The following CCSER2 variants were observed in gnomAD, a reference collection of about 807,000 sequenced individuals.
CCSER2 encodes coiled-coil serine rich protein 2.
A neutral mutation model predicts 92.3 loss-of-function variants in CCSER2; 46 were observed. The ratio of observed to expected loss-of-function variants is 0.50; its 90% CI spans 0.39 to 0.64. The LOEUF (loss-of-function observed/expected upper bound fraction) is 0.64. Ranked by LOEUF, CCSER2 falls within the 30% of genes least tolerant of loss-of-function variation. The pLI is 0.00. For missense variants in CCSER2, 1,244 were observed against 1,238.9 expected (o/e 1.00, Z -0.06); for synonymous variants, 433 against 431.4 (o/e 1.00, Z -0.04).
intron 8 of CCSER2, among the ~76,000 whole-genome samples, chr10:84,472,043 T>C (rs572004831): frequency 9.9e-4 from 150 of 152,078 alleles, no homozygotes; most frequent in African/African-American, 3.4e-3. Flanking sequence ...TAAAGTATCT[T>C]GCAAAAGTTA....
chr10:84,485,185 A>G (rs930202033), intron 9 of CCSER2, among the ~76,000 whole-genome samples: 1 of 152,212 alleles, frequency 6.6e-6, no homozygotes, highest in Non-Finnish European at 1.5e-5. Context: ...ATTGTAGTAC[A>G]ATATCAAAAC....
intron 9 of CCSER2, among the ~76,000 whole-genome samples, chr10:84,483,995 A>ATATATATATATATATG (rs1564711747): frequency 1.5e-4 from 11 of 72,354 alleles, no homozygotes; most frequent in Non-Finnish European, 2.4e-4. Context: ...ATATATATAT[A>ATATATATATATATATG]TAATTTTTTT....
chr10:84,408,395 G>A (rs531773721), intron 3 of CCSER2, among the ~76,000 whole-genome samples: 5 of 152,134 alleles, frequency 3.3e-5, no homozygotes, highest in Non-Finnish European at 7.4e-5. Context: ...ATTTATATAT[G>A]TTTGATTTTC....
At position 84,378,119 on chromosome 10, in the gene CCSER2, T is replaced by A. The variant is rs1284789729; in HGVS notation, c.1614+4304T>A. ...GTGATAGAATTTCAGAGAGAAAGCC[T>A]TAATAGTTCACCATTAAAGTTTTTG... is the stretch of plus-strand genomic sequence containing the variant. On this transcript the variant is annotated intron_variant, in intron 3 of 9. Transcript: ENST00000372088. 2.0e-5 allele frequency among the ~76,000 whole-genome samples: 3 copies of A among 152,214 alleles called. No homozygotes were observed. In the East Asian group the frequency reaches 5.8e-4, roughly 29 times the overall value.
chr10:84,341,676 C>T (rs1250284214), intron 1 of CCSER2, among the ~76,000 whole-genome samples: 1 of 152,102 alleles, frequency 6.6e-6, no homozygotes, highest in African/African-American at 2.4e-5. Context: ...GCCATCCCCC[C>T]CACCACTTCA....
At chr10:84,450,531 T>C (rs1360292503) in intron 6 of CCSER2, among the ~76,000 whole-genome samples, 2 of 152,146 alleles carry the variant, frequency 1.3e-5, no homozygotes, top group Non-Finnish European at 2.9e-5. Flanking sequence ...AATAGAAAAC[T>C]CTGTTCTAGT....
At chr10:84,477,426 C>T in intron 8 of CCSER2, 149 bp from the exon 9 acceptor site, 2 of 514,624 alleles carry the variant, frequency 3.9e-6, no homozygotes, top group Non-Finnish European at 6.8e-6. Context: ...CCCTGATTAC[C>T]TCCTGTCATG....
At position 84,391,441 on chromosome 10, in the gene CCSER2, C is replaced by G. The variant is rs137863699; in HGVS notation, c.1614+17626C>G. 1.2e-3 allele frequency: 1,933 copies of G among 1,557,772 alleles called. 19 individuals carry two copies. In the African/African-American group the frequency reaches 0.02, roughly 16 times the overall value. ...TAGAAGTTCGACAGAGTTATTTTGC[C>G]CTGTTAGGTGACCTCACAAAAGCTT... On this transcript the variant is annotated intron_variant, in intron 3 of 9. Coordinates refer to ENST00000372088, the MANE Select transcript of CCSER2 (RefSeq NM_001284240.2).
At chr10:84,348,874 C>CAT in intron 1 of CCSER2, among the ~76,000 whole-genome samples, 1 of 151,928 alleles carries the variant, frequency 6.6e-6, no homozygotes, top group Non-Finnish European at 1.5e-5. Context: ...TGCTCTCTTT[C>CAT]ATATATATGT....
intron 5 of CCSER2, among the ~76,000 whole-genome samples, chr10:84,431,268 C>T (rs1018427085): frequency 2.0e-5 from 3 of 152,144 alleles, no homozygotes; most frequent in Non-Finnish European, 4.4e-5. Context: ...TTATTCATCC[C>T]TCCCTTCTTT....
intron 6 of CCSER2, among the ~76,000 whole-genome samples, chr10:84,448,141 C>T (rs1845043917): frequency 6.6e-6 from 1 of 152,060 alleles, no homozygotes; most frequent in South Asian, 2.1e-4. Flanking sequence ...CACTGCACAT[C>T]AGTTGAGTCT....
chr10:84,377,434 G>A (rs550164151), intron 3 of CCSER2, among the ~76,000 whole-genome samples: 127 of 152,064 alleles, frequency 8.4e-4, no homozygotes, highest in Non-Finnish European at 1.4e-3. Flanking sequence ...TGTACTTCAG[G>A]GTCATCTTTG....
chr10:84,447,173 A>T (rs1187703080), intron 6 of CCSER2, among the ~76,000 whole-genome samples: 1 of 152,072 alleles, frequency 6.6e-6, no homozygotes, highest in East Asian at 1.9e-4. Context: ...GAAAAACCAA[A>T]CTGTTTTCCA....
rs1846189754 is a variant in CCSER2 at position 84,373,770 on chromosome 10, T to G, written c.1569T>G (p.Asn523Lys). ...WDEEGLEPIG[N>K]VHPVGSYESS... The stretch of plus-strand genomic sequence containing the variant: ...AAGAAGGCTTGGAACCCATTGGAAA[T>G]GTCCATCCAGTTGGGAGCTATGAGT... Residue 523 changes from asparagine to lysine, a missense_variant, in exon 3 of 10, where the codon AAT becomes AAG. Physicochemically the swap from Asn to Lys is moderately conservative, Grantham distance 94. Coordinates refer to ENST00000372088, the MANE Select transcript of CCSER2 (RefSeq NM_001284240.2). The G allele has an allele frequency of 1.2e-6, 2 of 1,613,776 alleles. No homozygotes were observed. Among genetic ancestry groups the G allele is most frequent in the East Asian group, 2.2e-5 (1 of 44,860 alleles).
At chr10:84,469,523 C>G (rs1846651954) in intron 7 of CCSER2, among the ~76,000 whole-genome samples, 1 of 152,080 alleles carries the variant, frequency 6.6e-6, no homozygotes, top group Non-Finnish European at 1.5e-5. Context: ...GGATGACATT[C>G]TTTGCTTAGT....
intron 9 of CCSER2, among the ~76,000 whole-genome samples, chr10:84,492,316 A>G (rs928882024): frequency 2.0e-5 from 3 of 151,656 alleles, no homozygotes; most frequent in Admixed American, 6.6e-5. Flanking sequence ...TGATTTCTGT[A>G]TATTGACCTT....
intron 9 of CCSER2, among the ~76,000 whole-genome samples, chr10:84,490,532 C>T (rs1446073638): frequency 1.3e-5 from 2 of 152,170 alleles, no homozygotes; most frequent in Non-Finnish European, 2.9e-5. Context: ...TTGATCAAAT[C>T]GGCTACTGAA....
At chr10:84,445,980 T>C (rs1033869393) in intron 6 of CCSER2, among the ~76,000 whole-genome samples, 25 of 152,234 alleles carry the variant, frequency 1.6e-4, no homozygotes, top group African/African-American at 5.1e-4. Context: ...GTGGGATTGC[T>C]GGGTTAATTA....
At chr10:84,457,292 AT>A (rs1373626181) in intron 6 of CCSER2, among the ~76,000 whole-genome samples, 43 of 75,802 alleles carry the variant, frequency 5.7e-4, no homozygotes, top group Admixed American at 7.9e-4. Flanking sequence ...TATATTATAT[AT>A]TATATATAAT....
Sources: allele counts gnomAD v4.1 joint callset (sites outside exome capture counted in the v4.1 genomes callset), GRCh38; gene constraint gnomAD v4.1.1; transcripts MANE v1.5; gene names NCBI Gene and HGNC (gene_info 2026-07-23, HGNC 2026-07-21).